AGPAT3: variants seen among roughly 807,000 people sequenced by gnomAD.
AGPAT3 encodes the protein 1-acyl-sn-glycerol-3-phosphate acyltransferase gamma.
AGPAT3 carries 5 observed loss-of-function variants against 47.3 expected under a neutral mutation model. The observed-to-expected ratio is 0.11, with a 90% CI of 0.06 to 0.22. The LOEUF (loss-of-function observed/expected upper bound fraction) is 0.22, where lower values mean the gene tolerates loss of function less well. Ranked by LOEUF, AGPAT3 falls within the 10% of genes least tolerant of loss-of-function variation. The pLI, the probability that AGPAT3 is intolerant of heterozygous loss-of-function variation, is 1.00. For synonymous variants in AGPAT3, 212 were observed against 208.3 expected (o/e 1.02, Z -0.15); for missense variants, 315 against 493.0 (o/e 0.64, Z 3.42).
chr21:43,918,467 G>A (rs1393586591), intron 2 of AGPAT3, among the ~76,000 whole-genome samples: 3 of 152,074 alleles, frequency 2.0e-5, no homozygotes. Context: ...GGGAACAGGG[G>A]GAAATGGAGA....
intron 1 of AGPAT3, among the ~76,000 whole-genome samples, chr21:43,891,719 C>T (rs1394727504): frequency 6.6e-6 from 1 of 152,004 alleles, no homozygotes; most frequent in African/African-American, 2.4e-5. Context: ...TCAGACCCCA[C>T]TAATAATTCT....
At chr21:43,891,268 C>T (rs2086097487) in intron 1 of AGPAT3, among the ~76,000 whole-genome samples, 1 of 152,186 alleles carries the variant, frequency 6.6e-6, no homozygotes, top group African/African-American at 2.4e-5. Flanking sequence ...GTTGTTATTT[C>T]CACAATGTTC....
chr21:43,938,316 C>CTTTTTTTTTTTTTTTTTTTTTTTTTTTTT (rs57776186), intron 2 of AGPAT3, among the ~76,000 whole-genome samples: 1 of 70,538 alleles, frequency 1.4e-5, no homozygotes, highest in Non-Finnish European at 2.6e-5. Context: ...ATCTGCAAAT[C>CTTTTTTTTTTTTTTTTTTTTTTTTTTTTT]TTTTTTTTTT....
At chr21:43,947,076 G>C (rs973099700) in intron 2 of AGPAT3, 1 of 152,456 alleles carries the variant, frequency 6.6e-6, no homozygotes, top group Middle Eastern at 3.4e-3. Flanking sequence ...ACGGGAGGGT[G>C]GGGGGCTGGA....
At chr21:43,882,819 G>T (rs1198388723) in intron 1 of AGPAT3, among the ~76,000 whole-genome samples, 1 of 152,164 alleles carries the variant, frequency 6.6e-6, no homozygotes, top group Non-Finnish European at 1.5e-5. Flanking sequence ...CCTGGGTGGG[G>T]CTTAAGGAGG....
intron 2 of AGPAT3, among the ~76,000 whole-genome samples, chr21:43,949,429 A>G (rs568939441): frequency 6.6e-6 from 1 of 152,230 alleles, no homozygotes; most frequent in South Asian, 2.1e-4. Flanking sequence ...TCCATGTGGG[A>G]CCACCTTCTG....
rs1177498431 is a variant in AGPAT3, at chr21:43,986,288, C to T, written c.*3896C>T. ...CTCGGGAAATAGAATGACGGGAACACTTTTAGGGAGCCCAGGAAGTTACCA... is the reference window on the plus strand; with the variant it reads ...CTCGGGAAATAGAATGACGGGAACATTTTTAGGGAGCCCAGGAAGTTACCA... On this transcript the variant is annotated 3_prime_UTR_variant, in exon 10 of 10. Transcript: ENST00000291572. The T allele has an allele frequency of 6.6e-6, 1 of 152,204 alleles. No homozygotes were observed. Among genetic ancestry groups the T allele is most frequent in the Non-Finnish European group, 1.5e-5 (1 of 68,024 alleles). The allele number at this position is 152,204 out of a possible 1,614,324, so 9.4% of individuals were successfully genotyped here.
At chr21:43,977,977 C>A in intron 7 of AGPAT3, 69 bp from the exon 8 acceptor site, 1 of 1,319,902 alleles carries the variant, frequency 7.6e-7, no homozygotes, top group Non-Finnish European at 1.1e-6. Flanking sequence ...GACATGTTCC[C>A]CTGTGCCCTC....
chr21:43,890,716 T>TA (rs1203052250), intron 1 of AGPAT3, among the ~76,000 whole-genome samples: 90 of 5,040 alleles, frequency 0.018, no homozygotes, highest in Admixed American at 0.022. Flanking sequence ...CCCAGCCAGG[T>TA]TTTTTTTTTT....
Sources: allele counts gnomAD v4.1 joint callset (sites outside exome capture counted in the v4.1 genomes callset), GRCh38; gene constraint gnomAD v4.1.1; transcripts MANE v1.5; gene names NCBI Gene and HGNC (gene_info 2026-07-23, HGNC 2026-07-21).